The following USP7 variants were observed in gnomAD, a reference collection of about 807,000 sequenced individuals.
USP7 encodes the protein ubiquitin C-terminal hydrolase 7.
A neutral mutation model predicts 162.9 loss-of-function variants in USP7; 9 were observed. The ratio of observed to expected loss-of-function variants is 0.06; its 90% CI spans 0.03 to 0.10. USP7 has a LOEUF of 0.10. Ranked by LOEUF, USP7 falls within the 10% of genes least tolerant of loss-of-function variation. The pLI is 1.00. For missense variants in USP7, 715 were observed against 1,373.7 expected, an observed-to-expected ratio of 0.52 and a Z score of 7.58; for synonymous variants, 562 against 475.9, an observed-to-expected ratio of 1.18 and a Z score of -2.35.
intron 1 of USP7, among the ~76,000 whole-genome samples, chr16:8,948,778 AC>A (rs1420364612): frequency 6.6e-6 from 1 of 152,176 alleles, no homozygotes; most frequent in Non-Finnish European, 1.5e-5. Flanking sequence ...CATGGAAAAC[AC>A]AGCGAAACCC....
intron 26 of USP7, 53 bp from the exon 27 acceptor site, chr16:8,895,794 A>AT: frequency 8.0e-7 from 1 of 1,252,220 alleles, no homozygotes; most frequent in Non-Finnish European, 1.1e-6. Flanking sequence ...ATATTCACAT[A>AT]AAAATAAAAT....
intron 1 of USP7, 129 bp from the exon 2 acceptor site, chr16:8,930,526 C>G: frequency 1.6e-6 from 1 of 619,114 alleles, no homozygotes; most frequent in Non-Finnish European, 2.6e-6. Flanking sequence ...AATAAAGATT[C>G]ATTCTAATCC....
intron 2 of USP7, chr16:8,929,242 A>T: frequency 3.0e-6 from 1 of 335,124 alleles, no homozygotes; most frequent in Non-Finnish European, 5.9e-6. Context: ...GGCATCTCAG[A>T]TGTCTAAAGT....
chr16:8,952,792 C>G (rs953430539), intron 1 of USP7, among the ~76,000 whole-genome samples: 3 of 152,038 alleles, frequency 2.0e-5, no homozygotes, highest in Non-Finnish European at 4.4e-5. Flanking sequence ...TGGCAGTTCC[C>G]AAACTCATCC....
At chr16:8,947,167 A>T (rs143060841) in intron 1 of USP7, among the ~76,000 whole-genome samples, 16 of 152,336 alleles carry the variant, frequency 1.1e-4, no homozygotes, top group Non-Finnish European at 1.8e-4. Context: ...CTGAATGCAC[A>T]AGCAGGTATG....
At chr16:8,945,162 T>C (rs1440838320) in intron 1 of USP7, among the ~76,000 whole-genome samples, 1 of 151,794 alleles carries the variant, frequency 6.6e-6, no homozygotes, top group East Asian at 1.9e-4. Flanking sequence ...AGGTGGAGGT[T>C]GTAGTGAGCC....
intron 1 of USP7, among the ~76,000 whole-genome samples, chr16:8,956,746 A>G (rs1300947507): frequency 8.6e-5 from 13 of 151,462 alleles, no homozygotes. Context: ...CTGGGTAACG[A>G]ATTAAGACTT....
chr16:8,936,441 G>A (rs1898729276), intron 1 of USP7: 1 of 821,598 alleles, frequency 1.2e-6, no homozygotes. Flanking sequence ...CTAGAAAGCA[G>A]TGATCTTTAT....
intron 1 of USP7, among the ~76,000 whole-genome samples, chr16:8,961,473 C>G (rs1335127578): frequency 3.6e-5 from 4 of 109,898 alleles, no homozygotes; most frequent in South Asian, 2.8e-4. Flanking sequence ...GCCTGGGCAA[C>G]AAGAGCAAAA....
chr16:8,901,867 G>GC (rs34236675), intron 18 of USP7: 2 of 574,380 alleles, frequency 3.5e-6, no homozygotes, highest in South Asian at 2.1e-5. Flanking sequence ...GAACAGGACG[G>GC]CCCCACGTGG....
chr16:8,909,474 T>C (rs2061909768), intron 11 of USP7, among the ~76,000 whole-genome samples: 3 of 152,182 alleles, frequency 2.0e-5, no homozygotes. Flanking sequence ...CTGTTTTTAA[T>C]ACAGTCTGAA....
chr16:8,938,080 T>C (rs1008392320), intron 1 of USP7, among the ~76,000 whole-genome samples: 4 of 151,906 alleles, frequency 2.6e-5, no homozygotes, highest in Non-Finnish European at 5.9e-5. Flanking sequence ...CAGACCAGGG[T>C]CACAGCTGGA....
At chr16:8,913,599 C>A (rs1379902034) in intron 10 of USP7, among the ~76,000 whole-genome samples, 1 of 152,016 alleles carries the variant, frequency 6.6e-6, no homozygotes, top group African/African-American at 2.4e-5. Flanking sequence ...GAAATAAAAT[C>A]TTTCTAGGCA....
intron 2 of USP7, among the ~76,000 whole-genome samples, chr16:8,925,531 C>T (rs1897940256): frequency 6.6e-6 from 1 of 152,164 alleles, no homozygotes; most frequent in Non-Finnish European, 1.5e-5. Context: ...TCACCCTATA[C>T]ATTAAATTTT....
intron 1 of USP7, among the ~76,000 whole-genome samples, chr16:8,947,787 T>G (rs1259962134): frequency 6.6e-6 from 1 of 152,198 alleles, no homozygotes. Context: ...ATTCCAGATG[T>G]GGGACTGCCT....
chr16:8,936,700 G>A, intron 1 of USP7: 1 of 1,461,522 alleles, frequency 6.8e-7, no homozygotes, highest in South Asian at 1.4e-5. Context: ...ATCTCTAGGA[G>A]CTCTACCTCA....
intron 3 of USP7, among the ~76,000 whole-genome samples, chr16:8,922,180 CTTAAACA>C (rs961416207): frequency 6.6e-6 from 1 of 152,190 alleles, no homozygotes; most frequent in African/African-American, 2.4e-5. Flanking sequence ...ATAAAATTAC[CTTAAACA>C]TTAAAGAAAA....
intron 1 of USP7, among the ~76,000 whole-genome samples, chr16:8,943,036 A>T (rs1027801553): frequency 6.6e-6 from 1 of 152,222 alleles, no homozygotes; most frequent in Non-Finnish European, 1.5e-5. Flanking sequence ...CTGAGTGTTC[A>T]AAGTGGACCC....
At chr16:8,945,154 G>A (rs1406284571) in intron 1 of USP7, among the ~76,000 whole-genome samples, 1 of 152,220 alleles carries the variant, frequency 6.6e-6, no homozygotes, top group African/African-American at 2.4e-5. Flanking sequence ...TACTCAGGAG[G>A]TGGAGGTTGT....
Sources: allele counts gnomAD v4.1 joint callset (sites outside exome capture counted in the v4.1 genomes callset), GRCh38; gene constraint gnomAD v4.1.1; transcripts MANE v1.5; gene names NCBI Gene and HGNC (gene_info 2026-07-23, HGNC 2026-07-21).